The following ASB15 variants were observed in gnomAD, a reference collection of about 807,000 sequenced individuals.
ASB15 encodes the protein ankyrin repeat and SOCS box containing 15, also known as ankyrin repeat and SOCS box protein 15.
ASB15 carries 54 observed loss-of-function variants against 58.0 expected under a neutral mutation model. That is an observed-to-expected ratio of 0.93 (90% CI 0.75 to 1.17). The LOEUF is 1.17. ASB15 is among the 50% of genes most tolerant of loss of function. The pLI, the probability that ASB15 is intolerant of heterozygous loss-of-function variation, is 0.00. For missense variants in ASB15, 680 were observed against 707.4 expected (o/e 0.96, Z 0.44); for synonymous variants, 249 against 262.4 (o/e 0.95, Z 0.50).
chr7:123,592,397 T>C (rs1799564487), intron 1 of ASB15, among the ~76,000 whole-genome samples: 1 of 152,232 alleles, frequency 6.6e-6, no homozygotes. Context: ...TTTTAGATCT[T>C]TCCTGCTTTC....
chr7:123,632,433 GAT>G (rs1802171855), intron 11 of ASB15, among the ~76,000 whole-genome samples: 1 of 152,142 alleles, frequency 6.6e-6, no homozygotes, highest in African/African-American at 2.4e-5. Context: ...TAGATAAAAG[GAT>G]TTTAAAATAT....
At chr7:123,628,555 A>G (rs1401171304) in intron 9 of ASB15, among the ~76,000 whole-genome samples, 1 of 152,202 alleles carries the variant, frequency 6.6e-6, no homozygotes, top group Admixed American at 6.5e-5. Flanking sequence ...GCCTGTAAAT[A>G]TTATATTGTT....
chr7:123,569,513 G>A (rs1408109991), intron 1 of ASB15, among the ~76,000 whole-genome samples: 2 of 152,272 alleles, frequency 1.3e-5, no homozygotes, highest in African/African-American at 2.4e-5. Context: ...AATAGTTAGA[G>A]GATGTATGAG....
At chr7:123,590,763 G>C (rs987702491) in intron 1 of ASB15, among the ~76,000 whole-genome samples, 1 of 152,110 alleles carries the variant, frequency 6.6e-6, no homozygotes, top group Non-Finnish European at 1.5e-5. Flanking sequence ...ATTTGCTTAG[G>C]ATTGTCTTGG....
At chr7:123,622,696 CAAG>C (rs947538770) in intron 7 of ASB15, 5 of 152,044 alleles carry the variant, frequency 3.3e-5, no homozygotes, top group African/African-American at 1.2e-4. Flanking sequence ...GCCATCAGAG[CAAG>C]AAGATCCATG....
intron 7 of ASB15, 56 bp downstream of exon 7, chr7:123,617,793 A>C (rs537979784): frequency 6.3e-5 from 95 of 1,499,054 alleles, no homozygotes; most frequent in Middle Eastern, 3.5e-4. Flanking sequence ...ATAAGTATTT[A>C]TTGGAAACCA....
intron 7 of ASB15, among the ~76,000 whole-genome samples, chr7:123,618,860 T>C (rs1272752133): frequency 1.6e-5 from 2 of 125,766 alleles, no homozygotes; most frequent in Non-Finnish European, 3.7e-5. Context: ...GATTCAACAA[T>C]ATCAATGTAA....
At chr7:123,621,941 C>T (rs1012011260) in intron 7 of ASB15, among the ~76,000 whole-genome samples, 4 of 152,212 alleles carry the variant, frequency 2.6e-5, no homozygotes, top group Non-Finnish European at 4.4e-5. Flanking sequence ...TCTGGCATGA[C>T]GCTTCAGTCC....
chr7:123,570,554 G>T (rs1378171250), intron 1 of ASB15, among the ~76,000 whole-genome samples: 1 of 152,130 alleles, frequency 6.6e-6, no homozygotes, highest in Non-Finnish European at 1.5e-5. Context: ...TAAGAAACTG[G>T]CTTCTGACGT....
At chr7:123,580,830 A>G (rs919875375) in intron 1 of ASB15, among the ~76,000 whole-genome samples, 2 of 152,006 alleles carry the variant, frequency 1.3e-5, no homozygotes, top group Admixed American at 6.6e-5. Context: ...AAACATAGCC[A>G]TCATTATAAT....
Position 123,637,019 on chromosome 7 carries a change from A to C in ASB15, c.*38A>C. 3 of 1,357,082 alleles carry C rather than the reference A, an allele frequency of 2.2e-6. No homozygotes were observed. The highest frequency in any genetic ancestry group is 1.5e-5 in the African/African-American group (1 of 67,940). The allele number at this position is 1,357,082 out of a possible 1,614,324, so 84.1% of individuals were successfully genotyped here. A position where few individuals can be genotyped will look rare whatever the true frequency, so the allele number is the denominator to read the frequency against. On this transcript the variant is annotated 3_prime_UTR_variant, in exon 12 of 12. Transcript: ENST00000451215. ...AAATGTGATTTAAAAAAAATGTTGA[A>C]ATGTGATTCCCTCAGATAATTTCTT...
At chr7:123,611,605 T>C (rs1447856797) in intron 3 of ASB15, among the ~76,000 whole-genome samples, 1 of 152,180 alleles carries the variant, frequency 6.6e-6, no homozygotes, top group Non-Finnish European at 1.5e-5. Flanking sequence ...CAGTTACTCT[T>C]ATTTATGAGA....
At chr7:123,601,483 AT>A (rs1276930438), upstream of ASB15, among the ~76,000 whole-genome samples, 2 of 152,184 alleles carry the variant, frequency 1.3e-5, no homozygotes, top group Non-Finnish European at 2.9e-5. Context: ...GTGTATTAAA[AT>A]ATGTCAAAAG....
At chr7:123,594,808 C>T (rs1799648344) in intron 1 of ASB15, among the ~76,000 whole-genome samples, 3 of 152,296 alleles carry the variant, frequency 2.0e-5, no homozygotes, top group Admixed American at 2.0e-4. Context: ...AGAACCACTG[C>T]TCTCTTCAGA....
chr7:123,592,344 T>C (rs905507514), intron 1 of ASB15, among the ~76,000 whole-genome samples: 1 of 152,240 alleles, frequency 6.6e-6, no homozygotes, highest in Admixed American at 6.5e-5. Flanking sequence ...AATTTGTTTC[T>C]CTTGCTTCTC....
At chr7:123,604,412 T>C (rs534505794) in intron 2 of ASB15, among the ~76,000 whole-genome samples, 200 bp downstream of exon 2, 11 of 151,952 alleles carry the variant, frequency 7.2e-5, no homozygotes, top group Non-Finnish European at 1.6e-4. Flanking sequence ...TGAAACCCTG[T>C]CTCTAATAAA....
rs1800675653 is a variant in ASB15, at chr7:123,614,499, A to G, written c.-2-2A>G. 1 of 1,555,410 alleles carries G rather than the reference A, an allele frequency of 6.4e-7. No homozygotes were observed. Among genetic ancestry groups the G allele is most frequent in the Non-Finnish European group, 8.9e-7 (1 of 1,128,710 alleles). ...ACTTGTCTCGTTCAAAATTATATGC[A>G]GGAATGGATACTAATGATGACCCTG... On this transcript the variant is annotated splice_acceptor_variant, in intron 3 of 11. Transcript: ENST00000451215. LOFTEE classifies it low-confidence loss of function (5UTR_SPLICE).
chr7:123,619,330 T>C (rs529154059), intron 7 of ASB15, among the ~76,000 whole-genome samples: 33 of 152,004 alleles, frequency 2.2e-4, no homozygotes, highest in African/African-American at 7.5e-4. Flanking sequence ...GTGTTATAAG[T>C]GCTATAATAA....
At chr7:123,579,209 T>C (rs567939478) in intron 1 of ASB15, among the ~76,000 whole-genome samples, 4 of 152,260 alleles carry the variant, frequency 2.6e-5, no homozygotes, top group Admixed American at 6.5e-5. Flanking sequence ...GCTGTATCCA[T>C]GTTGCTGAAA....
Sources: gnomAD v4.1 joint callset for allele counts (sites outside exome capture counted in the v4.1 genomes callset) on GRCh38, gnomAD v4.1.1 for gene constraint, MANE v1.5 for transcripts, NCBI Gene and HGNC (gene_info 2026-07-23, HGNC 2026-07-21) for gene names.